Variants in TNR observed in about 807,000 individuals in gnomAD.
The protein encoded by TNR is tenascin-R.
In TNR, 45 loss-of-function variants were observed where a neutral mutation model predicts 150.4. That is an observed-to-expected ratio of 0.30 (90% CI 0.24 to 0.38). TNR has a LOEUF of 0.38. Among genes scored for constraint, TNR ranks in the 10% least tolerant of loss-of-function variants. The pLI, the probability that TNR is intolerant of heterozygous loss-of-function variation, is 1.00. For missense variants in TNR, 1,544 were observed against 1,759.1 expected (o/e 0.88, Z 2.19); for synonymous variants, 687 against 678.4 (o/e 1.01, Z -0.20).
chr1:175,664,272 G>A (rs1282225114), intron 1 of TNR, among the ~76,000 whole-genome samples: 1 of 152,212 alleles, frequency 6.6e-6, no homozygotes, highest in East Asian at 1.9e-4. Context: ...AGGATGACCT[G>A]GTTATCTTCC....
intron 2 of TNR, among the ~76,000 whole-genome samples, chr1:175,415,267 G>T (rs1654388528): frequency 6.6e-6 from 1 of 152,150 alleles, no homozygotes; most frequent in Non-Finnish European, 1.5e-5. Context: ...ATTACAGCCG[G>T]CCCCATTGTG....
intron 18 of TNR, among the ~76,000 whole-genome samples, chr1:175,338,005 G>A (rs1434966970): frequency 1.3e-5 from 2 of 152,164 alleles, no homozygotes; most frequent in African/African-American, 2.4e-5. Context: ...CAGTAAAATG[G>A]GGATAATAAA....
At chr1:175,392,137 GA>G (rs1653198453) in intron 6 of TNR, among the ~76,000 whole-genome samples, 1 of 152,086 alleles carries the variant, frequency 6.6e-6, no homozygotes, top group African/African-American at 2.4e-5. Flanking sequence ...GAGGGAATGA[GA>G]AAGAGTAACT....
chr1:175,587,509 A>G (rs1462768495), intron 1 of TNR, among the ~76,000 whole-genome samples: 1 of 152,262 alleles, frequency 6.6e-6, no homozygotes, highest in East Asian at 1.9e-4. Flanking sequence ...TATGGTAGAT[A>G]CATAGAAAAA....
At chr1:175,664,656 G>A (rs892403333) in intron 1 of TNR, among the ~76,000 whole-genome samples, 7 of 152,144 alleles carry the variant, frequency 4.6e-5, no homozygotes, top group African/African-American at 1.4e-4. Context: ...CAAACATACT[G>A]TCCGTTCCAA....
Position 175,406,420 on chromosome 1 carries a change from C to A in TNR, c.295G>T (p.Ala99Ser). The A allele has an allele frequency of 1.2e-6, 2 of 1,614,176 alleles. No individual in the cohort carries two copies. Among genetic ancestry groups the A allele is most frequent in the Non-Finnish European group, 1.7e-6 (2 of 1,180,038 alleles). Residue 99 changes from alanine to serine, a missense_variant, in exon 3 of 23, where the codon GCA (alanine) becomes TCA (serine). Coordinates refer to ENST00000367674, the MANE Select transcript of TNR (RefSeq NM_003285.3). ...TCTGAGGTCTGGCCCATGTACTCTG[C>A]CAGAGTCTCGTCTTCTGCACTCACC... ...QEVSAEDETLAEYMGQTSDHE... is the reference protein window; with the variant it reads ...QEVSAEDETLSEYMGQTSDHE...
chr1:175,347,560 T>C (rs1310921963), intron 18 of TNR, among the ~76,000 whole-genome samples: 2 of 152,092 alleles, frequency 1.3e-5, no homozygotes, highest in Admixed American at 6.5e-5. Flanking sequence ...CCTGAGTAGC[T>C]GGAATTATAG....
At chr1:175,521,152 C>G (rs1659621771) in intron 2 of TNR, among the ~76,000 whole-genome samples, 1 of 152,176 alleles carries the variant, frequency 6.6e-6, no homozygotes, top group Non-Finnish European at 1.5e-5. Flanking sequence ...CCAATCAAAA[C>G]ACATTTTGTT....
chr1:175,540,413 G>A (rs1025718582), intron 1 of TNR, among the ~76,000 whole-genome samples: 1 of 152,164 alleles, frequency 6.6e-6, no homozygotes, highest in Non-Finnish European at 1.5e-5. Flanking sequence ...TGAGGAGAAG[G>A]GAAAGGTTTT....
In TNR at chr1:175,579,411, T is replaced by A. The variant is rs372428232; in HGVS notation, c.-164-51042A>T. ...TGAGCATGGAGAGGGGCTTGAAGTA[T>A]GAGCAGGTTCAATACGGAAGATAGG... On this transcript the variant is annotated intron_variant, in intron 1 of 22. Coordinates refer to ENST00000367674, the MANE Select transcript of TNR (RefSeq NM_003285.3). Among the ~76,000 whole-genome samples, 11 of 152,028 alleles carry A rather than the reference T, an allele frequency of 7.2e-5. No homozygotes were observed. In the South Asian group the frequency reaches 2.3e-3, roughly 32 times the overall value.
At chr1:175,356,558 A>G (rs768978249) in intron 15 of TNR, 96 bp from the exon 16 acceptor site, 37 of 1,485,648 alleles carry the variant, frequency 2.5e-5, no homozygotes, top group Non-Finnish European at 3.0e-5. Context: ...ATTTACTACT[A>G]GAGAATTTTG....
At chr1:175,328,041 G>A (rs369082628) in intron 21 of TNR, among the ~76,000 whole-genome samples, 3 of 152,246 alleles carry the variant, frequency 2.0e-5, no homozygotes, top group African/African-American at 7.2e-5. Flanking sequence ...CCAGGAGGCA[G>A]TGGTTGCAGT....
intron 18 of TNR, among the ~76,000 whole-genome samples, chr1:175,352,665 A>T (rs995148286): frequency 6.6e-6 from 1 of 152,230 alleles, no homozygotes; most frequent in Non-Finnish European, 1.5e-5. Context: ...TGGTAAAGAT[A>T]CATCTTGGAT....
chr1:175,442,345 G>A (rs371055517), intron 2 of TNR, among the ~76,000 whole-genome samples: 5 of 152,160 alleles, frequency 3.3e-5, no homozygotes, highest in African/African-American at 1.2e-4. Context: ...AAAAGTGGTA[G>A]GGGGCTTAAG....
intron 1 of TNR, among the ~76,000 whole-genome samples, chr1:175,741,362 G>A (rs558821046): frequency 6.6e-6 from 1 of 152,298 alleles, no homozygotes; most frequent in African/African-American, 2.4e-5. Flanking sequence ...GCATTAATGA[G>A]ATAATGACTA....
intron 1 of TNR, among the ~76,000 whole-genome samples, chr1:175,649,143 G>T (rs1037775394): frequency 2.0e-5 from 3 of 152,186 alleles, no homozygotes; most frequent in African/African-American, 7.2e-5. Flanking sequence ...TCAGGCCGGC[G>T]CTGCCCACTC....
chr1:175,738,061 A>C (rs983549500), intron 1 of TNR, among the ~76,000 whole-genome samples: 1 of 152,144 alleles, frequency 6.6e-6, no homozygotes, highest in African/African-American at 2.4e-5. Flanking sequence ...CTGAATATAG[A>C]AGATAAATCT....
intron 1 of TNR, among the ~76,000 whole-genome samples, chr1:175,618,993 C>T (rs2101862682): frequency 6.6e-6 from 1 of 152,292 alleles, no homozygotes; most frequent in Non-Finnish European, 1.5e-5. Context: ...CCTCCCTGGC[C>T]TCATTGCCCA....
rs1424532900 is a variant in TNR, at chr1:175,324,450, G to A, written c.3863C>T (p.Thr1288Ile). The A allele has an allele frequency of 1.2e-6, 2 of 1,614,018 alleles. No individual in the cohort carries two copies. The highest frequency in any genetic ancestry group is 1.7e-6 in the Non-Finnish European group (2 of 1,180,006). ...TEDRDNDVAV[T>I]NCAMSYKGAW... The stretch of plus-strand genomic sequence containing the variant: ...TCCCTTGTACGACATGGCACAGTTA[G>A]TCACTGCAACATCATTGTCTCTATC... The change falls in exon 22 of 23, where the codon ACT becomes ATT. Residue 1288 changes from threonine (T) to isoleucine (I), a missense_variant. Thr to Ile is a moderately conservative substitution (Grantham distance 89). Transcript: ENST00000367674.
Sources: allele counts gnomAD v4.1 joint callset (sites outside exome capture counted in the v4.1 genomes callset), GRCh38; gene constraint gnomAD v4.1.1; transcripts MANE v1.5; gene names NCBI Gene and HGNC (gene_info 2026-07-23, HGNC 2026-07-21).